Variants in ZNF536 observed in about 807,000 individuals in gnomAD.
ZNF536 encodes the protein zinc finger protein 536.
A neutral mutation model predicts 84.5 loss-of-function variants in ZNF536; 13 were observed. The ratio of observed to expected loss-of-function variants is 0.15; its 90% CI spans 0.10 to 0.24. The LOEUF (loss-of-function observed/expected upper bound fraction) is 0.24. Ranked by LOEUF, ZNF536 falls within the 10% of genes least tolerant of loss-of-function variation. The probability of loss-of-function intolerance (pLI) is 1.00; values close to 1 mark genes in which losing one functional copy is unlikely to be tolerated. For synonymous variants in ZNF536, 811 were observed against 742.5 expected, an observed-to-expected ratio of 1.09 and a Z score of -1.50; for missense variants, 1,536 against 1,747.5, an observed-to-expected ratio of 0.88 and a Z score of 2.16.
At chr19:30,348,134 A>G (rs532204253) in intron 2 of ZNF536, among the ~76,000 whole-genome samples, 10 of 152,292 alleles carry the variant, frequency 6.6e-5, no homozygotes, top group African/African-American at 2.4e-4. Flanking sequence ...CTATTTCTCC[A>G]TCCATCCATT....
chr19:30,467,155 C>T (rs62103385), intron 2 of ZNF536, among the ~76,000 whole-genome samples: 15,634 of 152,214 alleles, frequency 0.1, 1,024 homozygotes, highest in South Asian at 0.19. Flanking sequence ...TTTTTAAGAG[C>T]ACGATTTGTG....
intron 1 of ZNF536, among the ~76,000 whole-genome samples, chr19:30,627,144 T>C (rs1246600972): frequency 6.6e-6 from 1 of 151,270 alleles, no homozygotes; most frequent in African/African-American, 2.4e-5. Flanking sequence ...TTTCTGGGGG[T>C]AGATAAATGG....
At chr19:30,686,969 C>A (rs1335948104) in intron 1 of ZNF536, among the ~76,000 whole-genome samples, 1 of 152,190 alleles carries the variant, frequency 6.6e-6, no homozygotes, top group Non-Finnish European at 1.5e-5. Flanking sequence ...GTAGCCTATC[C>A]GATCCCTCCC....
At chr19:30,607,479 G>A in intron 1 of ZNF536, among the ~76,000 whole-genome samples, 1 of 151,806 alleles carries the variant, frequency 6.6e-6, no homozygotes, top group East Asian at 1.9e-4. Flanking sequence ...CAGCACTTTG[G>A]GAGGCTCAGG....
chr19:30,410,465 C>CTTTTTTTTTTTTTTTTTTTTTT (rs201561646), intron 1 of ZNF536, among the ~76,000 whole-genome samples: 1 of 122,632 alleles, frequency 8.2e-6, no homozygotes, highest in African/African-American at 4.0e-5. Context: ...AAGTGAAGGT[C>CTTTTTTTTTTTTTTTTTTTTTT]TTTTTTTTTT....
At chr19:30,675,270 A>T (rs1280149472) in intron 1 of ZNF536, among the ~76,000 whole-genome samples, 7 of 152,206 alleles carry the variant, frequency 4.6e-5, no homozygotes, top group African/African-American at 1.4e-4. Context: ...GTAAACAGGC[A>T]AATGGATTTG....
At chr19:30,461,755 A>G (rs2053146829) in intron 2 of ZNF536, among the ~76,000 whole-genome samples, 1 of 152,228 alleles carries the variant, frequency 6.6e-6, no homozygotes, top group Admixed American at 6.5e-5. Flanking sequence ...CCCTTCTGAC[A>G]CTATGATGCT....
chr19:30,550,914 AC>A (rs1349167044), intron 4 of ZNF536, among the ~76,000 whole-genome samples: 2 of 151,774 alleles, frequency 1.3e-5, no homozygotes, highest in African/African-American at 2.4e-5. Flanking sequence ...ATTAACCACT[AC>A]CCCCAGATCT....
At chr19:30,441,640 T>TA (rs1470505428) in intron 1 of ZNF536, among the ~76,000 whole-genome samples, 5 of 152,202 alleles carry the variant, frequency 3.3e-5, no homozygotes, top group East Asian at 1.9e-4. Flanking sequence ...CCGCGTATTT[T>TA]AAAAAAATTT....
At chr19:30,268,985 GA>G (rs1195055760) in intron 1 of ZNF536, among the ~76,000 whole-genome samples, 2 of 152,200 alleles carry the variant, frequency 1.3e-5, no homozygotes, top group East Asian at 3.8e-4. Flanking sequence ...GTCCTGATGG[GA>G]AAACACTTTG....
Position 30,548,750 on chromosome 19 carries a change from A to C in ZNF536, c.3131A>C (p.Gln1044Pro), listed in dbSNP as rs1396417474. 9 of 1,613,850 alleles carry C rather than the reference A, an allele frequency of 5.6e-6. No homozygotes were observed. The highest frequency in any genetic ancestry group is 7.6e-6 in the Non-Finnish European group (9 of 1,180,034). The change falls in exon 4 of 5, where the codon CAA (glutamine) becomes CCA (proline). Residue 1044 changes from glutamine to proline, a missense_variant. Transcript: ENST00000355537. ...TIGVTVNCKD[Q>P]AREASKMALL... is the part of the protein sequence containing the mutation. Reference sequence around the variant, plus strand: ...GGGGTCACAGTCAACTGCAAAGACCAAGCCCGGGAGGCGAGTAAGATGGCC... The same window carrying C: ...GGGGTCACAGTCAACTGCAAAGACCCAGCCCGGGAGGCGAGTAAGATGGCC...
intron 1 of ZNF536, among the ~76,000 whole-genome samples, chr19:30,652,347 T>C (rs969126136): frequency 6.6e-6 from 1 of 152,220 alleles, no homozygotes; most frequent in Non-Finnish European, 1.5e-5. Flanking sequence ...GAATCTCTAC[T>C]GAGGCCCGCT....
intron 1 of ZNF536, among the ~76,000 whole-genome samples, chr19:30,688,702 C>T (rs986765518): frequency 7.2e-5 from 11 of 152,140 alleles, no homozygotes; most frequent in South Asian, 2.1e-4. Flanking sequence ...CTTTTGAAAC[C>T]CCCACTTAAT....
intron 1 of ZNF536, among the ~76,000 whole-genome samples, chr19:30,440,706 G>C (rs2051996385): frequency 6.6e-6 from 1 of 152,172 alleles, no homozygotes; most frequent in South Asian, 2.1e-4. Flanking sequence ...GGTGGGCACA[G>C]AGGGCTTTTG....
intron 2 of ZNF536, among the ~76,000 whole-genome samples, chr19:30,461,029 C>T (rs1050262723): frequency 3.0e-4 from 46 of 152,126 alleles, no homozygotes; most frequent in African/African-American, 1.0e-3. Context: ...AGGGTCAGGC[C>T]GTGTGGGCGC....
intron 2 of ZNF536, among the ~76,000 whole-genome samples, chr19:30,304,511 C>T (rs2145981303): frequency 6.6e-6 from 1 of 152,334 alleles, no homozygotes; most frequent in East Asian, 1.9e-4. Context: ...CTCCTAACTT[C>T]ACTGATTCAA....
chr19:30,468,739 G>A (rs796997050), intron 2 of ZNF536, among the ~76,000 whole-genome samples: 5 of 152,276 alleles, frequency 3.3e-5, no homozygotes, highest in Admixed American at 1.3e-4. Flanking sequence ...TGAGTGCAGA[G>A]TAGAGCAGCG....
At chr19:30,243,227 CT>C (rs1178608245) in intron 1 of ZNF536, among the ~76,000 whole-genome samples, 2 of 151,940 alleles carry the variant, frequency 1.3e-5, no homozygotes, top group Non-Finnish European at 2.9e-5. Flanking sequence ...CTAATTTTAT[CT>C]GTTCAACTCT....
At chr19:30,297,336 A>G (rs1009870767) in intron 2 of ZNF536, among the ~76,000 whole-genome samples, 2 of 152,190 alleles carry the variant, frequency 1.3e-5, no homozygotes, top group African/African-American at 4.8e-5. Flanking sequence ...ACGTGGGGGA[A>G]AGTTTACATC....
Sources: allele counts gnomAD v4.1 joint callset (sites outside exome capture counted in the v4.1 genomes callset), GRCh38; gene constraint gnomAD v4.1.1; transcripts MANE v1.5; gene names NCBI Gene and HGNC (gene_info 2026-07-23, HGNC 2026-07-21).